Variants in KCNH5 observed in about 807,000 individuals in gnomAD.
KCNH5 encodes potassium voltage-gated channel subfamily H member 5, also known as voltage-gated delayed rectifier potassium channel KCNH5.
Under a neutral mutation model 96.1 loss-of-function variants are expected in KCNH5, and 46 were observed. The ratio of observed to expected loss-of-function variants is 0.48; its 90% CI spans 0.38 to 0.61. The LOEUF (loss-of-function observed/expected upper bound fraction) is 0.61. KCNH5 is among the 20% of genes least tolerant of loss of function. The probability of loss-of-function intolerance (pLI) is 0.00; values close to 1 mark genes in which losing one functional copy is unlikely to be tolerated. For missense variants in KCNH5, 907 were observed against 1,225.8 expected, an observed-to-expected ratio of 0.74 and a Z score of 3.88; for synonymous variants, 439 against 449.8, an observed-to-expected ratio of 0.98 and a Z score of 0.30.
At chr14:62,854,617 A>T (rs895108807) in intron 7 of KCNH5, among the ~76,000 whole-genome samples, 2 of 151,988 alleles carry the variant, frequency 1.3e-5, no homozygotes, top group African/African-American at 4.8e-5. Flanking sequence ...TCATATAGTC[A>T]ATCCATGTAC....
In KCNH5 at chr14:62,822,471, A is replaced by C. The variant is rs573769411; in HGVS notation, c.1570-19890T>G. 3.9e-5 allele frequency among the ~76,000 whole-genome samples: 6 copies of C among 152,232 alleles called. No individual in the cohort carries two copies. In the East Asian group the frequency reaches 1.2e-3, roughly 29 times the overall value. On this transcript the variant is annotated intron_variant, in intron 8 of 10. Coordinates refer to ENST00000322893, the MANE Select transcript of KCNH5 (RefSeq NM_139318.5). ...AACCCAGAAATATACGAACACAGAT[A>C]TGCTCAACTAAGTTTTTACCAAGGA...
chr14:62,779,683 A>C, intron 10 of KCNH5, 45 bp downstream of exon 10: 1 of 1,482,418 alleles, frequency 6.7e-7, no homozygotes, highest in Non-Finnish European at 9.1e-7. Flanking sequence ...TGAATTAATT[A>C]ATACTCTGGA....
intron 10 of KCNH5, among the ~76,000 whole-genome samples, chr14:62,759,757 G>A (rs1885707877): frequency 6.6e-6 from 1 of 152,090 alleles, no homozygotes; most frequent in Non-Finnish European, 1.5e-5. Flanking sequence ...GGAGCAAGCT[G>A]AGTAGAATGA....
At chr14:62,757,817 A>C (rs963496683) in intron 10 of KCNH5, among the ~76,000 whole-genome samples, 1 of 152,054 alleles carries the variant, frequency 6.6e-6, no homozygotes, top group African/African-American at 2.4e-5. Flanking sequence ...TAGTGGGTGG[A>C]TGGGAGGAAA....
At chr14:62,991,130 T>C (rs1222956340) in intron 4 of KCNH5, among the ~76,000 whole-genome samples, 1 of 152,072 alleles carries the variant, frequency 6.6e-6, no homozygotes, top group South Asian at 2.1e-4. Flanking sequence ...GATCTGTTTT[T>C]GTGGAATGTT....
intron 7 of KCNH5, among the ~76,000 whole-genome samples, chr14:62,921,437 A>T (rs1889379575): frequency 6.6e-6 from 1 of 152,144 alleles, no homozygotes; most frequent in South Asian, 2.1e-4. Flanking sequence ...CCATTAAGTA[A>T]TGGGAAGAAA....
chr14:62,785,905 C>G (rs772023393), intron 9 of KCNH5, among the ~76,000 whole-genome samples: 2 of 152,070 alleles, frequency 1.3e-5, no homozygotes, highest in African/African-American at 4.8e-5. Flanking sequence ...AAAATTTCCA[C>G]AGTTAGGCAG....
chr14:62,882,544 A>C (rs1399991044), intron 7 of KCNH5, among the ~76,000 whole-genome samples: 2 of 152,218 alleles, frequency 1.3e-5, no homozygotes, highest in African/African-American at 4.8e-5. Flanking sequence ...TGCATAGCAG[A>C]CTGTGGAGTA....
chr14:62,711,656 C>T (rs946210547), intron 10 of KCNH5, among the ~76,000 whole-genome samples: 5 of 152,194 alleles, frequency 3.3e-5, no homozygotes, highest in Non-Finnish European at 5.9e-5. Context: ...AGCGGAAAAA[C>T]ATGCTCTTTA....
intron 10 of KCNH5, chr14:62,712,640 G>C (rs760320578): frequency 3.9e-6 from 3 of 771,784 alleles, no homozygotes; most frequent in Middle Eastern, 2.3e-4. Flanking sequence ...AGATGAATGG[G>C]TGAAGTAGGA....
chr14:62,991,860 G>A (rs983402529), intron 4 of KCNH5, among the ~76,000 whole-genome samples: 1 of 151,924 alleles, frequency 6.6e-6, no homozygotes, highest in African/African-American at 2.4e-5. Flanking sequence ...AAGTTATGAG[G>A]TACAAGTGCA....
At position 62,707,533 on chromosome 14, in the gene KCNH5, G is replaced by A; in HGVS notation, c.2942C>T (p.Ser981Phe). 2 of 1,461,126 alleles carry A rather than the reference G, an allele frequency of 1.4e-6. No homozygotes were observed. Among genetic ancestry groups the A allele is most frequent in the African/African-American group, 1.4e-5 (1 of 71,038 alleles). 90.5% of individuals were successfully genotyped at this position (1,461,126 alleles called of 1,614,324 possible). Residue 981 changes from serine to phenylalanine, a missense_variant, in exon 11 of 11, where the codon TCT (serine) becomes TTT (phenylalanine). Ser to Phe is a radical substitution (Grantham distance 155). Around this residue, in one of 6 missense-constraint regions of KCNH5, gnomAD observed 362 missense variants for 394.4 expected, o/e 0.92. Transcript: ENST00000322893. ...FSVSRPESPE[S>F]DKDEIHF Reference sequence around the variant, plus strand: ...TTAAAAGTGGATTTCATCTTTGTCAGATTCAGGTGATTCAGGCCTTGAGAC... The same window carrying A: ...TTAAAAGTGGATTTCATCTTTGTCAAATTCAGGTGATTCAGGCCTTGAGAC...
At chr14:62,824,868 T>C (rs1887189272) in intron 8 of KCNH5, among the ~76,000 whole-genome samples, 1 of 152,064 alleles carries the variant, frequency 6.6e-6, no homozygotes, top group African/African-American at 2.4e-5. Context: ...GAAACACCTC[T>C]GGTTTTCTGT....
intron 10 of KCNH5, among the ~76,000 whole-genome samples, chr14:62,767,109 A>T (rs1885877753): frequency 6.6e-6 from 1 of 152,338 alleles, no homozygotes; most frequent in South Asian, 2.1e-4. Context: ...AATGCACATC[A>T]AAACTACAAT....
chr14:63,040,720 G>A (rs894949407), intron 1 of KCNH5, among the ~76,000 whole-genome samples: 15 of 151,970 alleles, frequency 9.9e-5, no homozygotes, highest in Non-Finnish European at 2.1e-4. Context: ...CACTAGTTCT[G>A]CTTCCTCTCT....
chr14:63,006,960 A>C (rs972117424), intron 2 of KCNH5, among the ~76,000 whole-genome samples: 2 of 152,208 alleles, frequency 1.3e-5, no homozygotes, highest in Non-Finnish European at 1.5e-5. Flanking sequence ...TTTTACAAAA[A>C]TGGATAATCA....
chr14:62,804,103 C>CA (rs1298046397), intron 8 of KCNH5, among the ~76,000 whole-genome samples: 2 of 152,066 alleles, frequency 1.3e-5, no homozygotes, highest in African/African-American at 4.8e-5. Context: ...ATCATAAATG[C>CA]AAAAACCATT....
chr14:62,925,590 G>A (rs1423485632), intron 7 of KCNH5, among the ~76,000 whole-genome samples: 1 of 152,014 alleles, frequency 6.6e-6, no homozygotes. Context: ...GGTAAAGACA[G>A]AAAAATAAAA....
intron 7 of KCNH5, among the ~76,000 whole-genome samples, chr14:62,893,618 T>C (rs1312465802): frequency 6.6e-6 from 1 of 152,046 alleles, no homozygotes; most frequent in Non-Finnish European, 1.5e-5. Flanking sequence ...TAGCTGGGCA[T>C]GGTGGTGTGT....
Sources: allele counts gnomAD v4.1 joint callset (sites outside exome capture counted in the v4.1 genomes callset), GRCh38; gene constraint gnomAD v4.1.1; regional missense constraint gnomAD v4.1.1; transcripts MANE v1.5; gene names NCBI Gene and HGNC (gene_info 2026-07-23, HGNC 2026-07-21).